GRK4: variants seen among roughly 807,000 people sequenced by gnomAD.
The protein encoded by GRK4 is G protein-coupled receptor kinase 2-like.
In GRK4, 73 loss-of-function variants were observed where a neutral mutation model predicts 77.9. The observed-to-expected ratio is 0.94, with a 90% CI of 0.78 to 1.14. The LOEUF (loss-of-function observed/expected upper bound fraction) is 1.14. GRK4 is among the 50% of genes most tolerant of loss of function. The pLI is 0.00. For synonymous variants in GRK4, 257 were observed against 254.4 expected (o/e 1.01, Z -0.10); for missense variants, 729 against 700.2 (o/e 1.04, Z -0.46).
rs112400797 is a variant in GRK4, at chr4:2,989,557, C to T, written c.261+718C>T. On this transcript the variant is annotated intron_variant, in intron 3 of 15. Transcript: ENST00000398052. The stretch of plus-strand genomic sequence containing the variant: ...GCCTTGTGATCCACCTGCCTTGGCC[C>T]CCCAAAGTGCTGGGATTACAGGCAT... Among the ~76,000 whole-genome samples, 91 of 152,232 alleles carry T rather than the reference C, an allele frequency of 6.0e-4. 1 individual carries two copies. The highest frequency in any genetic ancestry group is 1.9e-3 in the African/African-American group (79 of 41,540).
intron 12 of GRK4, among the ~76,000 whole-genome samples, chr4:3,033,356 T>A (rs1009091817): frequency 6.6e-6 from 1 of 152,180 alleles, no homozygotes; most frequent in African/African-American, 2.4e-5. Context: ...GGGCAGAGCC[T>A]TCATGACCTC....
chr4:2,989,619 T>C (rs1278309548), intron 3 of GRK4, among the ~76,000 whole-genome samples: 2 of 152,170 alleles, frequency 1.3e-5, no homozygotes, highest in Non-Finnish European at 1.5e-5. Context: ...ATAGTGCTTG[T>C]TCGGCTACCA....
chr4:2,973,537 G>A (rs1275487635), intron 1 of GRK4, among the ~76,000 whole-genome samples: 2 of 152,160 alleles, frequency 1.3e-5, no homozygotes, highest in African/African-American at 2.4e-5. Context: ...CCAGCACCCC[G>A]ATGTTTCCAT....
intron 4 of GRK4, among the ~76,000 whole-genome samples, chr4:2,994,468 C>T (rs770420449): frequency 7.9e-5 from 12 of 152,214 alleles, no homozygotes; most frequent in Non-Finnish European, 1.6e-4. Context: ...GCCTCGGCCT[C>T]CCAAATTGTG....
At chr4:3,024,990 G>A (rs879478732) in intron 10 of GRK4, among the ~76,000 whole-genome samples, 1 of 152,052 alleles carries the variant, frequency 6.6e-6, no homozygotes, top group Admixed American at 6.6e-5. Context: ...TCACTCAGAG[G>A]CCGGGCACAG....
chr4:3,013,677 G>A lies in GRK4; in HGVS notation c.601-11G>A. 5.6e-6 allele frequency: 9 copies of A among 1,598,740 alleles called. No individual in the cohort carries two copies. The highest frequency in any genetic ancestry group is 7.7e-6 in the Non-Finnish European group (9 of 1,175,558). On this transcript the variant is annotated splice_polypyrimidine_tract_variant and intron_variant, in intron 7 of 15. Transcript: ENST00000398052. ...GGACATAAACCTCCTTTATTTTGCT[G>A]TTTAAACTAGGTTTGCGCCTGTCAA... is the stretch of plus-strand genomic sequence containing the variant.
At chr4:3,004,145 A>C in intron 4 of GRK4, 86 bp from the exon 5 acceptor site, 2 of 1,000,190 alleles carry the variant, frequency 2.0e-6, no homozygotes, top group Non-Finnish European at 3.1e-6. Context: ...TTTGTGTTTC[A>C]TTTTTTTACA....
rs58936143 is a variant in GRK4, at chr4:3,006,098, G to C, written c.444-1638G>C. On this transcript the variant is annotated intron_variant, in intron 5 of 15. Coordinates refer to ENST00000398052, the MANE Select transcript of GRK4 (RefSeq NM_182982.3). ...AGTAAATGTAGACTAAAGATTTTCA[G>C]GCCAGGCATGGTGGCTCACGCCTGT... Among the ~76,000 whole-genome samples the C allele has an allele frequency of 9.4e-3, 1,428 of 152,190 alleles. 23 individuals carry two copies. Among genetic ancestry groups the C allele is most frequent in the African/African-American group, 0.033 (1,375 of 41,524 alleles).
chr4:3,024,389 C>T (rs548487497), intron 10 of GRK4, among the ~76,000 whole-genome samples: 2 of 152,064 alleles, frequency 1.3e-5, no homozygotes, highest in Non-Finnish European at 2.9e-5. Context: ...CAGCCTCCCA[C>T]GTAGCTGGAG....
chr4:3,001,693 A>G (rs1729882772), intron 4 of GRK4, among the ~76,000 whole-genome samples: 1 of 152,194 alleles, frequency 6.6e-6, no homozygotes, highest in African/African-American at 2.4e-5. Flanking sequence ...AAATGCCTCA[A>G]ATGTATTAGA....
At chr4:2,976,867 G>A (rs938155289) in intron 1 of GRK4, among the ~76,000 whole-genome samples, 10 of 152,062 alleles carry the variant, frequency 6.6e-5, no homozygotes, top group African/African-American at 1.4e-4. Context: ...TCAAACTGCC[G>A]ACCTCAGGTG....
At chr4:3,024,705 C>T (rs937555724) in intron 10 of GRK4, among the ~76,000 whole-genome samples, 6 of 151,434 alleles carry the variant, frequency 4.0e-5, no homozygotes, top group African/African-American at 7.3e-5. Flanking sequence ...ACTAAAAATA[C>T]AAAAATTAGC....
At position 3,001,367 on chromosome 4, in the gene GRK4, ATATT is replaced by A. The variant is rs1479948975; in HGVS notation, c.340-2862_340-2859del. 1.1e-4 allele frequency among the ~76,000 whole-genome samples: 13 copies of A among 115,460 alleles called. 1 individual carries two copies. The highest frequency in any genetic ancestry group is 1.2e-4 in the African/African-American group (3 of 24,502). The allele number at this position is 115,460 out of a possible 152,430, so 75.7% of individuals were successfully genotyped here. On this transcript the variant is annotated intron_variant, in intron 4 of 15. Coordinates refer to ENST00000398052, the MANE Select transcript of GRK4 (RefSeq NM_182982.3). ...CACACACACACACATATATATATAT[ATATT>A]TTTTTTTTTTTTGAGATGGAGTTTC...
chr4:3,008,544 C>T (rs149941948), intron 6 of GRK4, among the ~76,000 whole-genome samples: 30 of 152,252 alleles, frequency 2.0e-4, no homozygotes, highest in African/African-American at 6.3e-4. Context: ...TGGCTCATGC[C>T]GGTAATCCAG....
intron 6 of GRK4, among the ~76,000 whole-genome samples, chr4:3,008,730 G>A (rs1295118474): frequency 6.6e-6 from 1 of 151,468 alleles, no homozygotes; most frequent in African/African-American, 2.4e-5. Flanking sequence ...CTGAACCCAG[G>A]AGGTGGAGGT....
Position 3,040,627 on chromosome 4 carries a change from C to T in GRK4, c.*2C>T, listed in dbSNP as rs923275471. Reference sequence around the variant, plus strand: ...GAAGTGGAACCCAAGCAATGCTGAGCACCCCGGTGCGGACCACAGAGCAGA... The same window carrying T: ...GAAGTGGAACCCAAGCAATGCTGAGTACCCCGGTGCGGACCACAGAGCAGA... On this transcript the variant is annotated 3_prime_UTR_variant, in exon 16 of 16. Coordinates refer to ENST00000398052, the MANE Select transcript of GRK4 (RefSeq NM_182982.3). The T allele has an allele frequency of 2.2e-5, 36 of 1,609,920 alleles. No individual in the cohort carries two copies. The highest frequency in any genetic ancestry group is 2.6e-5 in the Non-Finnish European group (31 of 1,178,346).
rs1738522909 is a variant in GRK4 at position 3,029,429 on chromosome 4, G to A, written c.1269+20G>A. The A allele has an allele frequency of 1.9e-6, 3 of 1,599,594 alleles. No homozygotes were observed. The highest frequency in any genetic ancestry group is 2.6e-6 in the Non-Finnish European group (3 of 1,168,002). On this transcript the variant is annotated intron_variant, in intron 12 of 15. Transcript: ENST00000398052. ...AGGATGGTAAGTCAGGCTCTGTAGAGGCTGGGAAATGGCACTTCTCACTCA... is the reference window on the plus strand; with the variant it reads ...AGGATGGTAAGTCAGGCTCTGTAGAAGCTGGGAAATGGCACTTCTCACTCA...
chr4:3,033,777 G>A (rs1011148841), intron 12 of GRK4, among the ~76,000 whole-genome samples: 1 of 152,114 alleles, frequency 6.6e-6, no homozygotes, highest in African/African-American at 2.4e-5. Context: ...AGTAGAGACC[G>A]GGTTTCACCA....
At chr4:3,033,661 A>G (rs571723775) in intron 12 of GRK4, among the ~76,000 whole-genome samples, 1 of 152,312 alleles carries the variant, frequency 6.6e-6, no homozygotes, top group African/African-American at 2.4e-5. Flanking sequence ...ACCTCAGCTC[A>G]CTGCAGCATC....
Sources: gnomAD v4.1 joint callset for allele counts (sites outside exome capture counted in the v4.1 genomes callset) on GRCh38, gnomAD v4.1.1 for gene constraint, MANE v1.5 for transcripts, NCBI Gene and HGNC (gene_info 2026-07-23, HGNC 2026-07-21) for gene names.